NTM: variants seen among roughly 807,000 people sequenced by gnomAD.
NTM encodes the protein IgLON family member 2.
In NTM, 13 loss-of-function variants were observed where a neutral mutation model predicts 42.1. The observed-to-expected ratio is 0.31, with a 90% CI of 0.20 to 0.49. The LOEUF (loss-of-function observed/expected upper bound fraction) is 0.49. NTM is among the 20% of genes least tolerant of loss of function. The pLI, the probability that NTM is intolerant of heterozygous loss-of-function variation, is 0.99. For synonymous variants in NTM, 187 were observed against 179.2 expected (o/e 1.04, Z -0.35); for missense variants, 373 against 452.8 (o/e 0.82, Z 1.60).
At chr11:131,906,304 T>C (rs560669890) in intron 1 of NTM, among the ~76,000 whole-genome samples, 3 of 152,284 alleles carry the variant, frequency 2.0e-5, no homozygotes, top group South Asian at 2.1e-4. Flanking sequence ...CTCTTAAATA[T>C]TGTTCTTATC....
At chr11:132,233,365 A>C (rs2139072982) in intron 4 of NTM, among the ~76,000 whole-genome samples, 1 of 152,356 alleles carries the variant, frequency 6.6e-6, no homozygotes, top group East Asian at 1.9e-4. Flanking sequence ...GGTTGTGGTG[A>C]GCCAAGACCG....
intron 1 of NTM, among the ~76,000 whole-genome samples, chr11:131,552,251 G>A (rs1361810316): frequency 1.3e-5 from 2 of 152,210 alleles, no homozygotes; most frequent in African/African-American, 4.8e-5. Flanking sequence ...ACGACGTCAT[G>A]TCATGGTAAG....
At chr11:131,867,330 C>G (rs537473883) in intron 1 of NTM, among the ~76,000 whole-genome samples, 7 of 152,116 alleles carry the variant, frequency 4.6e-5, no homozygotes, top group African/African-American at 1.4e-4. Flanking sequence ...ACGCTGTGTG[C>G]GTGCGGATGG....
At chr11:131,641,752 G>A (rs2065162735) in intron 1 of NTM, among the ~76,000 whole-genome samples, 2 of 147,396 alleles carry the variant, frequency 1.4e-5, no homozygotes, top group Admixed American at 1.4e-4. Flanking sequence ...TTTTTTGATG[G>A]AGTCTCCCTC....
At chr11:131,447,510 T>C (rs1950151218) in intron 1 of NTM, among the ~76,000 whole-genome samples, 1 of 152,132 alleles carries the variant, frequency 6.6e-6, no homozygotes, top group South Asian at 2.1e-4. Flanking sequence ...ACATTAGCAC[T>C]GATTCATCTC....
At chr11:131,411,016 A>G (rs1313993377) in intron 1 of NTM, among the ~76,000 whole-genome samples, 1 of 152,202 alleles carries the variant, frequency 6.6e-6, no homozygotes, top group Non-Finnish European at 1.5e-5. Flanking sequence ...ATTTGCTGCC[A>G]GACACTTATA....
Position 131,533,432 on chromosome 11 carries a change from A to G in NTM, c.82+162544A>G, listed in dbSNP as rs531171599. ...GTCTGTTACACCAGCCCAGGAGAGA[A>G]TGGGGTAGACGTCTCCATCACTGAA... On this transcript the variant is annotated intron_variant, in intron 1 of 8. Transcript: ENST00000683400. Among the ~76,000 whole-genome samples the G allele has an allele frequency of 1.4e-4, 22 of 152,284 alleles. No individual in the cohort carries two copies. The East Asian group carries it at 2.3e-3, about 16-fold the overall frequency.
intron 2 of NTM, among the ~76,000 whole-genome samples, chr11:131,997,411 G>A (rs558861179): frequency 6.6e-6 from 1 of 152,286 alleles, no homozygotes; most frequent in South Asian, 2.1e-4. Flanking sequence ...TTTAGAAGAA[G>A]ATTTAAGACT....
chr11:131,415,629 C>T (rs1361109884), intron 1 of NTM, among the ~76,000 whole-genome samples: 2 of 152,080 alleles, frequency 1.3e-5, no homozygotes, highest in South Asian at 2.1e-4. Flanking sequence ...ACAGTAGCCA[C>T]CTATCACCAG....
chr11:131,794,980 C>T, intron 1 of NTM: 1 of 985,328 alleles, frequency 1.0e-6, no homozygotes, highest in Non-Finnish European at 1.2e-6. Flanking sequence ...ACTGGAGGGG[C>T]AGCCTTGGGC....
intron 2 of NTM, among the ~76,000 whole-genome samples, chr11:132,102,794 G>T (rs532624554): frequency 6.6e-6 from 1 of 152,276 alleles, no homozygotes; most frequent in African/African-American, 2.4e-5. Flanking sequence ...TGCCCCATGA[G>T]CCCACACTGA....
At chr11:131,792,317 T>A (rs2091044270) in intron 1 of NTM, among the ~76,000 whole-genome samples, 1 of 152,196 alleles carries the variant, frequency 6.6e-6, no homozygotes, top group Non-Finnish European at 1.5e-5. Context: ...GTTCGTGTCC[T>A]GGAGTAAGTT....
rs1446801058 is a variant in NTM, at chr11:131,424,595, C to CTTTTTTTTTTTTTTTTT, written c.82+53711_82+53712insTTTTTTTTTTTTTTTTT. Among the ~76,000 whole-genome samples, 160 of 39,562 alleles carry CTTTTTTTTTTTTTTTTT rather than the reference C, an allele frequency of 4.0e-3. 18 individuals carry two copies. The East Asian group carries it at 0.042, about 10-fold the overall frequency. The allele number at this position is 39,562 out of a possible 152,430, so 26.0% of individuals were successfully genotyped here. A position where few individuals can be genotyped will look rare whatever the true frequency, so the allele number is the denominator to read the frequency against. On this transcript the variant is annotated intron_variant, in intron 1 of 8. Transcript: ENST00000683400. ...TGCTTAGTTGTTTTTTATTTCTTTT[C>CTTTTTTTTTTTTTTTTT]TTTTCTTTTTTTTTTTTTTTTTTGG...
intron 1 of NTM, among the ~76,000 whole-genome samples, chr11:131,694,470 G>C (rs894328490): frequency 3.3e-5 from 5 of 152,226 alleles, no homozygotes; most frequent in Non-Finnish European, 5.9e-5. Flanking sequence ...GGGAAGCAGG[G>C]CTTAGGTCTG....
intron 1 of NTM, among the ~76,000 whole-genome samples, chr11:131,430,892 T>C (rs1266698071): frequency 1.3e-5 from 2 of 152,232 alleles, no homozygotes; most frequent in East Asian, 3.9e-4. Flanking sequence ...GCCGCCCTAA[T>C]AGCCTGTCTC....
chr11:132,326,095 C>T (rs974762181), intron 7 of NTM, among the ~76,000 whole-genome samples: 3 of 151,914 alleles, frequency 2.0e-5, no homozygotes, highest in Admixed American at 6.6e-5. Flanking sequence ...TGCAGCACAC[C>T]AACATGTCAC....
At chr11:132,041,605 A>G (rs188512759) in intron 2 of NTM, among the ~76,000 whole-genome samples, 113 of 152,336 alleles carry the variant, frequency 7.4e-4, no homozygotes, top group African/African-American at 2.0e-3. Context: ...ACGTGCAATC[A>G]TTAGCAAATC....
At chr11:131,391,644 GAAAAAA>G (rs5795723) in intron 1 of NTM, among the ~76,000 whole-genome samples, 1,386 of 81,584 alleles carry the variant, frequency 0.017, 11 homozygotes, top group Middle Eastern at 0.058. Flanking sequence ...TTTTATCTGG[GAAAAAA>G]AAAAAAAAAA....
chr11:131,497,101 G>A (rs925419622), intron 1 of NTM, among the ~76,000 whole-genome samples: 4 of 152,190 alleles, frequency 2.6e-5, no homozygotes, highest in African/African-American at 9.7e-5. Context: ...TGTCCACAGA[G>A]GAAACCCCTA....
Sources: allele counts gnomAD v4.1 joint callset (sites outside exome capture counted in the v4.1 genomes callset), GRCh38; gene constraint gnomAD v4.1.1; transcripts MANE v1.5; gene names NCBI Gene and HGNC (gene_info 2026-07-23, HGNC 2026-07-21).